PAMR1: variants seen among roughly 807,000 people sequenced by gnomAD.
The protein encoded by PAMR1 is peptidase domain containing associated with muscle regeneration 1, also known as inactive serine protease PAMR1.
PAMR1 carries 88 observed loss-of-function variants against 81.8 expected under a neutral mutation model. The observed-to-expected ratio is 1.08, with a 90% CI of 0.91 to 1.28. The LOEUF (loss-of-function observed/expected upper bound fraction) is 1.28, where lower values mean the gene tolerates loss of function less well. Among genes scored for constraint, PAMR1 ranks in the 50% most tolerant of loss-of-function variants. PAMR1 has a pLI of 0.00. For missense variants in PAMR1, 935 were observed against 919.7 expected, an observed-to-expected ratio of 1.02 and a Z score of -0.21; for synonymous variants, 336 against 345.3, an observed-to-expected ratio of 0.97 and a Z score of 0.30.
intron 1 of PAMR1, among the ~76,000 whole-genome samples, chr11:35,510,177 A>G (rs1851046107): frequency 6.6e-6 from 1 of 152,206 alleles, no homozygotes; most frequent in Non-Finnish European, 1.5e-5. Context: ...AATTAAGAAG[A>G]AGGTATAGAA....
intron 1 of PAMR1, among the ~76,000 whole-genome samples, chr11:35,497,954 A>G (rs1307743047): frequency 6.6e-6 from 1 of 152,210 alleles, no homozygotes; most frequent in Non-Finnish European, 1.5e-5. Flanking sequence ...AAAGGATAGC[A>G]TACCCAAAGG....
rs563215099 is a variant in PAMR1 at position 35,510,498 on chromosome 11, C to G, written c.73+15015G>C. Among the ~76,000 whole-genome samples, 10 of 123,514 alleles carry G rather than the reference C, an allele frequency of 8.1e-5. No homozygotes were observed. The Admixed American group carries it at 9.7e-4, about 12-fold the overall frequency. The allele number at this position is 123,514 out of a possible 152,430, so 81.0% of individuals were successfully genotyped here. On this transcript the variant is annotated intron_variant, in intron 1 of 10. Transcript: ENST00000619888. Reference sequence around the variant, plus strand: ...CCCCCGGAAACAGTACACTTTTTATCCCCCCAAAAAAAGAGTTCCTTGTGA... The same window carrying G: ...CCCCCGGAAACAGTACACTTTTTATGCCCCCAAAAAAAGAGTTCCTTGTGA...
intron 3 of PAMR1, among the ~76,000 whole-genome samples, chr11:35,488,840 G>C (rs1850563323): frequency 6.6e-6 from 1 of 151,902 alleles, no homozygotes; most frequent in Admixed American, 6.6e-5. Flanking sequence ...CCAAAGTGCT[G>C]GGCTTTCAGG....
At chr11:35,521,214 T>C (rs1003291209) in intron 1 of PAMR1, among the ~76,000 whole-genome samples, 1 of 152,236 alleles carries the variant, frequency 6.6e-6, no homozygotes, top group African/African-American at 2.4e-5. Context: ...GGTAAGATTA[T>C]GCTCCATGAA....
intron 9 of PAMR1, among the ~76,000 whole-genome samples, chr11:35,435,113 T>C (rs1856008388): frequency 6.6e-6 from 1 of 152,138 alleles, no homozygotes; most frequent in Non-Finnish European, 1.5e-5. Context: ...GTAAAATGGA[T>C]AGAACAATAA....
intron 6 of PAMR1, among the ~76,000 whole-genome samples, 183 bp downstream of exon 6, chr11:35,467,815 TGAA>T (rs1336490120): frequency 1.3e-5 from 2 of 152,148 alleles, no homozygotes; most frequent in Admixed American, 6.5e-5. Flanking sequence ...CCTAGGAAGT[TGAA>T]GAGAACCTGA....
chr11:35,451,971 C>T, intron 6 of PAMR1: 2 of 672,242 alleles, frequency 3.0e-6, no homozygotes, highest in South Asian at 1.7e-5. Context: ...GTTTAAGTCA[C>T]CCAGTCTATG....
rs144288112 is a variant in PAMR1, at chr11:35,494,223, C to T, written c.123G>A (p.Met41Ile). The change falls in exon 2 of 11, where the codon ATG (methionine) becomes ATA (isoleucine). Residue 41 changes from methionine to isoleucine, a missense_variant. By Grantham distance (10) the Met-to-Ile change is conservative. Coordinates refer to ENST00000619888, the MANE Select transcript of PAMR1 (RefSeq NM_001001991.3). ...EACPGAEWNI[M>I]CRECCEYDQI... is the part of the protein sequence containing the mutation. ...GATCATATTCACAGCACTCCCGACA[C>T]ATGATATTCCACTCTGCTCCAGGGC... The T allele has an allele frequency of 3.7e-5, 60 of 1,614,204 alleles. No homozygotes were observed. The Middle Eastern group carries it at 2.3e-3, about 62-fold the overall frequency.
rs559471600 is a variant in PAMR1, at chr11:35,466,824, C to A, written c.820+1177G>T. ...CTGCCAGACCAGGCTGTTAGATGAC[C>A]ACAGAGTACCTGTGCACTCTAGTTA... On this transcript the variant is annotated intron_variant, in intron 6 of 10. Coordinates refer to ENST00000619888, the MANE Select transcript of PAMR1 (RefSeq NM_001001991.3). Among the ~76,000 whole-genome samples the A allele has an allele frequency of 4.6e-5, 7 of 151,716 alleles. No homozygotes were observed. The East Asian group carries it at 1.2e-3, about 25-fold the overall frequency.
intron 4 of PAMR1, 82 bp downstream of exon 4, chr11:35,474,548 G>T (rs531683792): frequency 4.0e-6 from 3 of 752,810 alleles, no homozygotes; most frequent in African/African-American, 3.6e-5. Context: ...GGCTCCAGAG[G>T]ATCCCAGTGA....
At chr11:35,470,960 A>G in intron 4 of PAMR1, 142 bp from the exon 5 acceptor site, 1 of 641,754 alleles carries the variant, frequency 1.6e-6, no homozygotes, top group South Asian at 1.9e-5. Context: ...AATGGTCCTC[A>G]GAGGTTGGCG....
At chr11:35,526,884 A>G (rs548760187), upstream of PAMR1, among the ~76,000 whole-genome samples, 58 of 152,214 alleles carry the variant, frequency 3.8e-4, no homozygotes, top group African/African-American at 1.2e-3. Flanking sequence ...AAAAGTTTTA[A>G]TTTTGTTCTC....
intron 6 of PAMR1, among the ~76,000 whole-genome samples, chr11:35,450,087 G>C (rs1324295508): frequency 4.4e-5 from 5 of 114,902 alleles, no homozygotes; most frequent in African/African-American, 1.4e-4. Context: ...TCCTGTAACT[G>C]TCCCAATTGC....
chr11:35,490,672 A>G (rs4142611), intron 3 of PAMR1, among the ~76,000 whole-genome samples: 35,821 of 152,122 alleles, frequency 0.24, 5,134 homozygotes, highest in Non-Finnish European at 0.32. Flanking sequence ...TTTCTGAATC[A>G]CCTAACAATT....
At position 35,435,978 on chromosome 11, in the gene PAMR1, G is replaced by C. The variant is rs774719698; in HGVS notation, c.1258C>G (p.Arg420Gly). ...LQYECISPFY[R>G]RLGSSRRTCL... is the part of the protein sequence containing the mutation. ...GTCCTCCTGCTGCTGCCCAGGCGGC[G>C]GTAGAAGGGTGAGATGCACTCATAC... The change falls in exon 9 of 11, where the codon CGC becomes GGC. Residue 420 changes from arginine to glycine, a missense_variant. Coordinates refer to ENST00000619888, the MANE Select transcript of PAMR1 (RefSeq NM_001001991.3). The C allele has an allele frequency of 6.2e-7, 1 of 1,614,172 alleles. No individual in the cohort carries two copies.
upstream of PAMR1, among the ~76,000 whole-genome samples, chr11:35,527,296 C>G (rs1466309172): frequency 6.6e-6 from 1 of 152,188 alleles, no homozygotes; most frequent in Non-Finnish European, 1.5e-5. Context: ...AAATAATAAT[C>G]AAACCTACTT....
At chr11:35,466,724 C>G (rs1268788326) in intron 6 of PAMR1, among the ~76,000 whole-genome samples, 8 of 47,910 alleles carry the variant, frequency 1.7e-4, no homozygotes, top group African/African-American at 7.6e-4. Context: ...GAGGCTCTAT[C>G]TCAAAAAAAA....
In PAMR1 at chr11:35,450,129, CAAAAAAA is replaced by C. The variant is rs60887441; in HGVS notation, c.821-8443_821-8437del. 3.3e-4 allele frequency among the ~76,000 whole-genome samples: 14 copies of C among 43,048 alleles called. No homozygotes were observed. In the East Asian group the frequency reaches 4.3e-3, roughly 13 times the overall value. The allele number at this position is 43,048 out of a possible 152,430, so 28.2% of individuals were successfully genotyped here. On this transcript the variant is annotated intron_variant, in intron 6 of 10. Transcript: ENST00000619888. The stretch of plus-strand genomic sequence containing the variant: ...AGAAACTTACTTGGCTGCCTCCAGG[CAAAAAAA>C]AAAAAAAAAAAAAAAAAAAAAAATC...
intron 7 of PAMR1, among the ~76,000 whole-genome samples, chr11:35,440,304 T>C (rs1033175634): frequency 6.6e-6 from 1 of 152,156 alleles, no homozygotes; most frequent in African/African-American, 2.4e-5. Context: ...TTAGAGAACT[T>C]TGGTTGTATT....
Sources: allele counts gnomAD v4.1 joint callset (sites outside exome capture counted in the v4.1 genomes callset), GRCh38; gene constraint gnomAD v4.1.1; transcripts MANE v1.5; gene names NCBI Gene and HGNC (gene_info 2026-07-23, HGNC 2026-07-21).